The following SMOC2 variants were observed in gnomAD, a reference collection of about 807,000 sequenced individuals.
SMOC2 encodes SPARC related modular calcium binding 2.
SMOC2 carries 39 observed loss-of-function variants against 61.4 expected under a neutral mutation model. The ratio of observed to expected loss-of-function variants is 0.64; its 90% confidence interval spans 0.49 to 0.83. The LOEUF is 0.83. SMOC2 is among the 40% of genes least tolerant of loss of function. SMOC2 has a pLI of 0.00. For synonymous variants in SMOC2, 247 were observed against 239.9 expected, an observed-to-expected ratio of 1.03 and a Z score of -0.27; for missense variants, 556 against 592.9, an observed-to-expected ratio of 0.94 and a Z score of 0.65.
chr6:168,577,758 G>A (rs1018214501), intron 7 of SMOC2, among the ~76,000 whole-genome samples: 3 of 152,148 alleles, frequency 2.0e-5, no homozygotes, highest in Admixed American at 6.5e-5. Flanking sequence ...GCAACACATC[G>A]ACAGAGCCCT....
At chr6:168,457,763 C>T (rs151002943) in intron 1 of SMOC2, among the ~76,000 whole-genome samples, 1 of 152,278 alleles carries the variant, frequency 6.6e-6, no homozygotes, top group African/African-American at 2.4e-5. Context: ...GGATGGCAGG[C>T]CCAGCTCGGC....
At chr6:168,622,255 T>C (rs1786267355) in intron 9 of SMOC2, among the ~76,000 whole-genome samples, 1 of 152,122 alleles carries the variant, frequency 6.6e-6, no homozygotes, top group Non-Finnish European at 1.5e-5. Flanking sequence ...TGTGAGCCAC[T>C]GCGGCCAGCC....
intron 11 of SMOC2, among the ~76,000 whole-genome samples, chr6:168,662,257 C>T (rs1408092354): frequency 1.3e-5 from 2 of 152,184 alleles, no homozygotes; most frequent in East Asian, 3.8e-4. Context: ...GGAAGCGAGT[C>T]ATCAGATAAA....
At position 168,599,114 on chromosome 6, in the gene SMOC2, ACACACT is replaced by A. The variant is rs200881398; in HGVS notation, c.824+122_824+127del. 5.7e-4 allele frequency: 543 copies of A among 955,582 alleles called. 3 individuals are homozygous for A. Among genetic ancestry groups the A allele is most frequent in the African/African-American group, 5.7e-3 (325 of 57,230 alleles). 59.2% of individuals were successfully genotyped at this position (955,582 alleles called of 1,614,324 possible). On this transcript the variant is annotated intron_variant, in intron 8 of 12. Transcript: ENST00000356284. ...AACACACACCGACACACAGTCACAC[ACACACT>A]CACACTCACACACACTGATACCACA...
chr6:168,655,598 G>A, intron 11 of SMOC2: 1 of 346,694 alleles, frequency 2.9e-6, no homozygotes, highest in East Asian at 7.6e-5. Context: ...GCACATGTGT[G>A]CCAGATCCCC....
chr6:168,639,528 G>A (rs1207396689), intron 9 of SMOC2, among the ~76,000 whole-genome samples: 5 of 152,082 alleles, frequency 3.3e-5, no homozygotes, highest in African/African-American at 9.7e-5. Flanking sequence ...ATCTTTTGTA[G>A]CTGTTTTGAA....
chr6:168,649,510 C>G (rs760147478), intron 9 of SMOC2, among the ~76,000 whole-genome samples: 1 of 152,152 alleles, frequency 6.6e-6, no homozygotes, highest in Non-Finnish European at 1.5e-5. Flanking sequence ...TCTATTTTCC[C>G]CTCGGTATCT....
chr6:168,560,352 A>G (rs950623681), intron 7 of SMOC2, among the ~76,000 whole-genome samples: 3 of 152,262 alleles, frequency 2.0e-5, no homozygotes, highest in South Asian at 2.1e-4. Context: ...CTTCAGTTAT[A>G]TGTTGCGTCT....
chr6:168,645,722 C>T (rs900406271), intron 9 of SMOC2, among the ~76,000 whole-genome samples: 2 of 152,202 alleles, frequency 1.3e-5, no homozygotes, highest in African/African-American at 4.8e-5. Flanking sequence ...TGGCCCAAAC[C>T]GAGAGAAGCG....
At chr6:168,503,587 C>T (rs1375196119) in intron 1 of SMOC2, among the ~76,000 whole-genome samples, 3 of 152,132 alleles carry the variant, frequency 2.0e-5, no homozygotes, top group Non-Finnish European at 4.4e-5. Context: ...ACAGCTACCT[C>T]AAAGGTGACA....
chr6:168,609,631 G>A (rs1309613708), intron 9 of SMOC2, among the ~76,000 whole-genome samples: 2 of 152,134 alleles, frequency 1.3e-5, no homozygotes, highest in African/African-American at 4.8e-5. Context: ...TGTCTCTGAA[G>A]TCCGATTTTA....
chr6:168,554,645 C>T (rs553477254), intron 7 of SMOC2, among the ~76,000 whole-genome samples: 4 of 152,232 alleles, frequency 2.6e-5, no homozygotes, highest in South Asian at 4.1e-4. Context: ...GGACCACACA[C>T]AGTCCTCGGA....
At chr6:168,643,075 C>T (rs943877769) in intron 9 of SMOC2, among the ~76,000 whole-genome samples, 1 of 152,134 alleles carries the variant, frequency 6.6e-6, no homozygotes. Flanking sequence ...CTTCAAAGCC[C>T]TAGGCCCTCT....
chr6:168,492,729 T>C (rs1012420085), intron 1 of SMOC2, among the ~76,000 whole-genome samples: 3 of 152,192 alleles, frequency 2.0e-5, no homozygotes, highest in Non-Finnish European at 4.4e-5. Flanking sequence ...CAGGACAAAA[T>C]GTGGATGGTG....
intron 9 of SMOC2, among the ~76,000 whole-genome samples, chr6:168,612,680 C>G (rs1010711888): frequency 1.3e-5 from 2 of 152,242 alleles, no homozygotes; most frequent in African/African-American, 4.8e-5. Flanking sequence ...AAAGCCAGAA[C>G]AGTCCCTTGC....
intron 4 of SMOC2, among the ~76,000 whole-genome samples, chr6:168,533,960 T>C (rs916768690): frequency 1.3e-5 from 2 of 152,158 alleles, no homozygotes; most frequent in African/African-American, 4.8e-5. Flanking sequence ...TTAAAATACT[T>C]GTAGGCAGGG....
intron 1 of SMOC2, among the ~76,000 whole-genome samples, chr6:168,468,011 C>G (rs1201786671): frequency 6.6e-6 from 1 of 151,950 alleles, no homozygotes; most frequent in Non-Finnish European, 1.5e-5. Flanking sequence ...CAGAAAGTAC[C>G]AAGTGTTGTT....
Position 168,653,007 on chromosome 6 carries a change from A to C in SMOC2, c.1064A>C (p.Tyr355Ser). The C allele has an allele frequency of 6.2e-7, 1 of 1,614,090 alleles. No homozygotes were observed. Among genetic ancestry groups the C allele is most frequent in the African/African-American group, 1.3e-5 (1 of 75,026 alleles). The change falls in exon 11 of 13, where the codon TAC becomes TCC. Residue 355 changes from tyrosine to serine, a missense_variant. Coordinates refer to ENST00000356284, the MANE Select transcript of SMOC2 (RefSeq NM_001166412.2). ...HTLEERVVHW[Y>S]FKLLDKNSSG... is the part of the protein sequence containing the mutation. ...CTAGAGGAGCGGGTGGTGCACTGGT[A>C]CTTCAAACTACTGGATAAAAACTCC...
intron 2 of SMOC2, among the ~76,000 whole-genome samples, chr6:168,524,759 A>G (rs769412917): frequency 2.0e-5 from 3 of 152,266 alleles, no homozygotes; most frequent in Admixed American, 6.5e-5. Context: ...CAGACTTTAG[A>G]ATAAAGCTGA....
Sources: gnomAD v4.1 joint callset for allele counts (sites outside exome capture counted in the v4.1 genomes callset) on GRCh38, gnomAD v4.1.1 for gene constraint, MANE v1.5 for transcripts, NCBI Gene and HGNC (gene_info 2026-07-23, HGNC 2026-07-21) for gene names.